The following RTEL1 variants were observed in gnomAD, a reference collection of about 807,000 sequenced individuals.
RTEL1 encodes the protein regulator of telomere length.
In RTEL1, 86 loss-of-function variants were observed where a neutral mutation model predicts 162.2. The ratio of observed to expected loss-of-function variants is 0.53; its 90% CI spans 0.45 to 0.63. The LOEUF (loss-of-function observed/expected upper bound fraction) is 0.63, where lower values mean the gene tolerates loss of function less well. RTEL1 is among the 30% of genes least tolerant of loss of function. The pLI is 0.00. For missense variants in RTEL1, 1,941 were observed against 1,750.2 expected (o/e 1.11, Z -1.95); for synonymous variants, 958 against 717.9 (o/e 1.33, Z -5.35).
intron 14 of RTEL1, chr20:63,681,225 T>A: frequency 1.0e-6 from 1 of 985,410 alleles, no homozygotes; most frequent in Non-Finnish European, 1.2e-6. Context: ...GCAATGCCCG[T>A]CCCATGTGAG....
In RTEL1 at chr20:63,693,284, G is replaced by C. The variant is rs1370553261; in HGVS notation, c.2992+1G>C. ...GCACAGCCGGTCCTGGACCCCACTG[G>C]TAAATGGGGCCCCAGGTGGGACCCT... On this transcript the variant is annotated splice_donor_variant, in intron 30 of 34. Transcript: ENST00000360203. LOFTEE classifies it high-confidence loss of function. 6.2e-7 allele frequency: 1 copy of C among 1,611,420 alleles called. No individual in the cohort carries two copies. Among genetic ancestry groups the C allele is most frequent in the Non-Finnish European group, 8.5e-7 (1 of 1,179,306 alleles).
Position 63,659,375 on chromosome 20 carries a change from C to G in RTEL1, c.-28C>G, listed in dbSNP as rs774673265. On this transcript the variant is annotated 5_prime_UTR_variant, in exon 2 of 35. Coordinates refer to ENST00000360203, the MANE Select transcript of RTEL1 (RefSeq NM_001283009.2). The stretch of plus-strand genomic sequence containing the variant: ...CCGAATAGCCTGCCCCTCAGCCACG[C>G]TCTGTGCCCTTCTGAGAACAGGCTG... The G allele has an allele frequency of 3.2e-6, 5 of 1,563,142 alleles. No individual in the cohort carries two copies. The highest frequency in any genetic ancestry group is 2.2e-5 in the South Asian group (2 of 90,022).
At position 63,687,669 on chromosome 20, in the gene RTEL1, C is replaced by T. The variant is rs760887663; in HGVS notation, c.1380C>T (p.Pro460=). 54 of 1,609,422 alleles carry T rather than the reference C, an allele frequency of 3.4e-5. No individual in the cohort carries two copies. The highest frequency in any genetic ancestry group is 2.2e-4 in the Middle Eastern group (1 of 4,466). Reference sequence around the variant, plus strand: ...TGCTGAGCTACTGGTGCTTCAGTCCCGGCCACAGCATGCACGAGCTGGTCC... The same window carrying T: ...TGCTGAGCTACTGGTGCTTCAGTCCTGGCCACAGCATGCACGAGCTGGTCC... The part of the protein sequence containing the change: ...GKVLSYWCFS[P]GHSMHELVRQ... The change falls in exon 17 of 35, where the codon CCC becomes CCT. Residue 460 remains proline, a synonymous_variant. Transcript: ENST00000360203.
chr20:63,694,172 C>A (rs1568722664), intron 30 of RTEL1, 200 bp from the exon 31 acceptor site: 1 of 592,994 alleles, frequency 1.7e-6, no homozygotes, highest in Non-Finnish European at 3.0e-6. Context: ...CTTTGGCCTG[C>A]CCGCCACTGT....
intron 1 of RTEL1, among the ~76,000 whole-genome samples, chr20:63,659,015 A>G (rs2089965837): frequency 6.6e-6 from 1 of 152,186 alleles, no homozygotes; most frequent in African/African-American, 2.4e-5. Context: ...AACTTGCAGC[A>G]CTGTGGGCGT....
intron 28 of RTEL1, chr20:63,692,401 T>C (rs562073185): frequency 6.1e-5 from 17 of 277,074 alleles, no homozygotes; most frequent in African/African-American, 2.8e-4. Flanking sequence ...TGGTCTGGGG[T>C]GTGTAGAGAG....
At chr20:63,693,814 AGCCCTGTCCCT>A (rs2090887876) in intron 30 of RTEL1, among the ~76,000 whole-genome samples, 1 of 131,428 alleles carries the variant, frequency 7.6e-6, no homozygotes, top group Admixed American at 7.8e-5. Context: ...CTCCATGCAC[AGCCCTGTCCCT>A]GCCATAGCCC....
chr20:63,670,371 C>T (rs1315097956), intron 8 of RTEL1, among the ~76,000 whole-genome samples: 2 of 116,268 alleles, frequency 1.7e-5, no homozygotes, highest in Admixed American at 9.2e-5. Context: ...GGAGAGCATC[C>T]GGACAGACGT....
rs1479649744 is a variant in RTEL1, at chr20:63,690,326, C to G, written c.2298C>G (p.Pro766=). The change falls in exon 26 of 35, where the codon CCC becomes CCG. Residue 766 remains proline, a synonymous_variant. Transcript: ENST00000360203. The part of the protein sequence containing the change: ...MPAPAPRATA[P]SVRGEDAVSE... The stretch of plus-strand genomic sequence containing the variant: ...CGCCGGCCCCCCGGGCTACAGCACC[C>G]AGTGTGCGTGGAGAAGATGCTGTCA... The G allele has an allele frequency of 2.5e-6, 4 of 1,610,200 alleles. No individual in the cohort carries two copies. In the African/African-American group the frequency reaches 5.3e-5, roughly 22 times the overall value.
At chr20:63,663,118 C>T in intron 6 of RTEL1, 1 of 590,946 alleles carries the variant, frequency 1.7e-6, no homozygotes, top group Non-Finnish European at 3.0e-6. Context: ...TGGCTGGTGC[C>T]TGGGGCCTTG....
chr20:63,672,408 C>A, intron 8 of RTEL1, 148 bp from the exon 9 acceptor site: 1 of 677,366 alleles, frequency 1.5e-6, no homozygotes, highest in Non-Finnish European at 2.7e-6. Context: ...GTTGCCAGGT[C>A]ATCCAGGTCT....
Position 63,693,227 on chromosome 20 carries a change from G to T in RTEL1, c.2936G>T (p.Arg979Leu). 1.2e-6 allele frequency: 2 copies of T among 1,612,078 alleles called. No homozygotes were observed. Among genetic ancestry groups the T allele is most frequent in the Admixed American group, 1.7e-5 (1 of 59,970 alleles). ...CTGACAGGACGAGGCTGTGGCTATC[G>T]GCCTGAGCACAGCATTCCCCGAAGG... ...IQLTGRGCGY[R>L]PEHSIPRRQR... The change falls in exon 30 of 35, where the codon CGG becomes CTG. Residue 979 changes from arginine to leucine, a missense_variant. Physicochemically the swap from Arg to Leu is moderately radical, Grantham distance 102. Transcript: ENST00000360203.
intron 30 of RTEL1, among the ~76,000 whole-genome samples, chr20:63,693,618 T>TCCACCA (rs1568721213): frequency 1.6e-3 from 3 of 1,896 alleles, no homozygotes; most frequent in African/African-American, 3.2e-3. Context: ...CACCTCCACC[T>TCCACCA]CCACCACCAC....
chr20:63,672,172 G>A (rs1426005220), intron 8 of RTEL1, among the ~76,000 whole-genome samples: 3 of 152,140 alleles, frequency 2.0e-5, no homozygotes, highest in Non-Finnish European at 4.4e-5. Flanking sequence ...GTGAGCCACC[G>A]CGCCTGGCTG....
At position 63,692,964 on chromosome 20, in the gene RTEL1, C is replaced by A; in HGVS notation, c.2812C>A (p.Leu938Ile). The A allele has an allele frequency of 6.2e-7, 1 of 1,612,662 alleles. No individual in the cohort carries two copies. Among genetic ancestry groups the A allele is most frequent in the South Asian group, 1.1e-5 (1 of 91,092 alleles). The change falls in exon 29 of 35, where the codon CTC (leucine) becomes ATC (isoleucine). Residue 938 changes from leucine to isoleucine, a missense_variant. Physicochemically the swap from Leu to Ile is conservative, Grantham distance 5. Coordinates refer to ENST00000360203, the MANE Select transcript of RTEL1 (RefSeq NM_001283009.2). ...CGCCCTGGCCGCCTGTCTCGGCCCC[C>A]TCTTTGCTGAGGACCCCAAGAAGCA... ...FAALAACLGP[L>I]FAEDPKKHNL...
chr20:63,689,159 G>A (rs1428125196), intron 22 of RTEL1, 27 bp downstream of exon 22: 2 of 1,601,510 alleles, frequency 1.2e-6, no homozygotes, highest in Admixed American at 3.3e-5. Flanking sequence ...CCTCTGCCCT[G>A]ACCTGGTTGC....
rs1379959287 is a variant in RTEL1 at position 63,693,448 on chromosome 20, G to GCACCACCTCCACCACCTCCACCTCCAC, written c.2992+178_2992+179insACCTCCACCTCCACCACCACCTCCACC. Among the ~76,000 whole-genome samples, 2 of 42,320 alleles carry GCACCACCTCCACCACCTCCACCTCCAC rather than the reference G, an allele frequency of 4.7e-5. 1 individual carries two copies. The allele number at this position is 42,320 out of a possible 152,430, so 27.8% of individuals were successfully genotyped here. ...TCCACCTCCACCACCAGCACCAGCAGCACCACCTCCACCTCCACCTCCACC... is the reference window on the plus strand; with the variant it reads ...TCCACCTCCACCACCAGCACCAGCAGCACCACCTCCACCACCTCCACCTCCACCACCACCTCCACCTCCACCTCCACC... On this transcript the variant is annotated intron_variant, in intron 30 of 34. Transcript: ENST00000360203.
chr20:63,690,527 G>A, intron 26 of RTEL1, 86 bp downstream of exon 26: 1 of 1,424,700 alleles, frequency 7.0e-7, no homozygotes, highest in Non-Finnish European at 9.3e-7. Context: ...CCAGGGCGGA[G>A]GCGACTCACC....
At chr20:63,692,448 C>T (rs1568716179) in intron 28 of RTEL1, 2 of 354,270 alleles carry the variant, frequency 5.6e-6, no homozygotes, top group Non-Finnish European at 1.1e-5. Flanking sequence ...TCCTTGTGCG[C>T]TGCCATCCTG....
Sources: gnomAD v4.1 joint callset for allele counts (sites outside exome capture counted in the v4.1 genomes callset) on GRCh38, gnomAD v4.1.1 for gene constraint, MANE v1.5 for transcripts, NCBI Gene and HGNC (gene_info 2026-07-23, HGNC 2026-07-21) for gene names.